The following ASMTL variants were observed in gnomAD, a reference collection of about 807,000 sequenced individuals.
ASMTL encodes the protein probable bifunctional dTTP/UTP pyrophosphatase/methyltransferase protein.
Under a neutral mutation model 60.3 loss-of-function variants are expected in ASMTL, and 57 were observed. The ratio of observed to expected loss-of-function variants is 0.95; its 90% CI spans 0.76 to 1.18. The LOEUF (loss-of-function observed/expected upper bound fraction) is 1.18. Ranked by LOEUF, ASMTL falls within the 50% of genes most tolerant of loss-of-function variation. The pLI, the probability that ASMTL is intolerant of heterozygous loss-of-function variation, is 0.00. For synonymous variants in ASMTL, 419 were observed against 373.0 expected (o/e 1.12, Z -1.42); for missense variants, 981 against 852.6 (o/e 1.15, Z -1.88).
At chrX:1,417,616 C>T (rs2090338995) in intron 11 of ASMTL, among the ~76,000 whole-genome samples, 2 of 151,444 alleles carry the variant, frequency 1.3e-5, no homozygotes, top group East Asian at 3.9e-4. Context: ...GATGCAGACA[C>T]ACACACACAG....
At chrX:1,412,600 T>A (rs1202657014) in intron 12 of ASMTL, 132 bp downstream of exon 12, 6 of 1,212,334 alleles carry the variant, frequency 4.9e-6, no homozygotes, top group African/African-American at 1.5e-5. Flanking sequence ...TGACCTCAGG[T>A]GATCCGCCCG....
chrX:1,453,171 G>A (rs1382650649), upstream of ASMTL, among the ~76,000 whole-genome samples: 5 of 145,602 alleles, frequency 3.4e-5, no homozygotes, highest in Non-Finnish European at 7.5e-5. Context: ...GTCAGGCCAC[G>A]CCCAGGCCAC....
Position 1,435,042 on chromosome X carries a change from A to G in ASMTL, c.380T>C (p.Ile127Thr). The change falls in exon 5 of 13, where the codon ATC becomes ACC. Residue 127 changes from isoleucine to threonine, a missense_variant. Physicochemically the swap from Ile to Thr is moderately conservative, Grantham distance 89. Coordinates refer to ENST00000381317, the MANE Select transcript of ASMTL (RefSeq NM_004192.4). ...REHSVFTGVA[I>T]VHCSSKDHQL... ...GTTACCTTTGCTGGAGCAGTGGACG[A>G]TCGCGACACCTGTGAACACGCTGTG... 6.2e-7 allele frequency: 1 copy of G among 1,613,918 alleles called. No individual in the cohort carries two copies. The highest frequency in any genetic ancestry group is 8.5e-7 in the Non-Finnish European group (1 of 1,179,862).
intron 7 of ASMTL, among the ~76,000 whole-genome samples, chrX:1,426,175 G>T (rs1361633227): frequency 6.6e-6 from 1 of 152,042 alleles, no homozygotes; most frequent in African/African-American, 2.4e-5. Flanking sequence ...TCCAAGCCCA[G>T]GAGAGAGGCC....
At chrX:1,442,070 C>T in intron 2 of ASMTL, 116 bp downstream of exon 2, 5 of 1,221,200 alleles carry the variant, frequency 4.1e-6, no homozygotes, top group Non-Finnish European at 5.8e-6. Context: ...CTAAGCTGTG[C>T]CACCAACTGC....
At chrX:1,407,458 GATAGATGA>G (rs1324008956) in intron 12 of ASMTL, among the ~76,000 whole-genome samples, 4 of 150,334 alleles carry the variant, frequency 2.7e-5, no homozygotes, top group Non-Finnish European at 5.9e-5. Context: ...ATGATAGGTA[GATAGATGA>G]ATAGATGGAT....
In ASMTL at chrX:1,403,431, G is replaced by A. The variant is rs199614418; in HGVS notation, c.1704C>T (p.Arg568=). The change falls in exon 13 of 13, where the codon CGC becomes CGT. Residue 568 remains arginine, a synonymous_variant. Coordinates refer to ENST00000381317, the MANE Select transcript of ASMTL (RefSeq NM_004192.4). The part of the protein sequence containing the change: ...LLDEEKRVAQ[R]ALMQSLNMLV... ...GCATGTTCAGTGACTGCATCAGGGC[G>A]CGCTGCGCCACCCTCTTCTCCTCAT... 2.0e-4 allele frequency: 328 copies of A among 1,613,248 alleles called. 1 individual carries two copies. The highest frequency in any genetic ancestry group is 2.4e-4 in the South Asian group (22 of 91,080).
intron 4 of ASMTL, 139 bp downstream of exon 4, chrX:1,435,555 G>C: frequency 2.5e-6 from 2 of 808,226 alleles, no homozygotes; most frequent in Non-Finnish European, 4.2e-6. Flanking sequence ...GCATAGCTCA[G>C]ACAGCACAGC....
chrX:1,405,847 GTAGATGGATGGATGGA>G (rs1305098998), intron 12 of ASMTL, among the ~76,000 whole-genome samples: 1 of 148,606 alleles, frequency 6.7e-6, no homozygotes, highest in Non-Finnish European at 1.5e-5. Context: ...GGGTACATAG[GTAGATGGATGGATGGA>G]TAGATGGATG....
chrX:1,412,898 A>G, intron 11 of ASMTL, 44 bp from the exon 12 acceptor site: 2 of 1,611,546 alleles, frequency 1.2e-6, no homozygotes, highest in Non-Finnish European at 1.7e-6. Context: ...GGTATGGAAG[A>G]AGCAGTCCTC....
intron 1 of ASMTL, among the ~76,000 whole-genome samples, chrX:1,451,082 A>G (rs149328100): frequency 0.061 from 2,330 of 38,508 alleles, 131 homozygotes; most frequent in African/African-American, 0.26. Flanking sequence ...GGGATTCCGG[A>G]TCACTCTCCC....
chrX:1,443,315 G>A (rs1462279714), intron 1 of ASMTL, among the ~76,000 whole-genome samples: 5 of 48,344 alleles, frequency 1.0e-4, no homozygotes, highest in African/African-American at 2.0e-4. Flanking sequence ...GACACACACC[G>A]CCATCTTGGA....
intron 1 of ASMTL, among the ~76,000 whole-genome samples, chrX:1,443,561 C>A (rs1229692505): frequency 6.6e-6 from 1 of 151,868 alleles, no homozygotes; most frequent in East Asian, 1.9e-4. Flanking sequence ...CCATCTTGGA[C>A]ACACACCGCC....
chrX:1,442,947 GCA>G, intron 1 of ASMTL, among the ~76,000 whole-genome samples: 2 of 152,270 alleles, frequency 1.3e-5, no homozygotes, highest in African/African-American at 4.8e-5. Flanking sequence ...AGGGAACTCC[GCA>G]TCTCCCCTCT....
At chrX:1,451,993 G>A (rs1303220302) in intron 1 of ASMTL, among the ~76,000 whole-genome samples, 1 of 144,602 alleles carries the variant, frequency 6.9e-6, no homozygotes, top group Non-Finnish European at 1.5e-5. Context: ...CCCATCGCTA[G>A]GGGGTCCCAG....
At chrX:1,440,253 A>C (rs765266924) in intron 2 of ASMTL, among the ~76,000 whole-genome samples, 50 of 151,978 alleles carry the variant, frequency 3.3e-4, no homozygotes, top group Non-Finnish European at 2.9e-5. Context: ...CGCCCAGCCA[A>C]TATTTTGTGT....
In ASMTL at chrX:1,419,134, T is replaced by C. The variant is rs749702001; in HGVS notation, c.1246-20A>G. 3 of 1,609,916 alleles carry C rather than the reference T, an allele frequency of 1.9e-6. No individual in the cohort carries two copies. Among genetic ancestry groups the C allele is most frequent in the South Asian group, 1.1e-5 (1 of 90,614 alleles). On this transcript the variant is annotated intron_variant, in intron 9 of 12. Coordinates refer to ENST00000381317, the MANE Select transcript of ASMTL (RefSeq NM_004192.4). The stretch of plus-strand genomic sequence containing the variant: ...CGCATCCTGGAACACAGCAGGTGCT[T>C]AGGGGCACCAGAGAACACGGGGCGA...
At chrX:1,431,462 G>C in intron 6 of ASMTL, among the ~76,000 whole-genome samples, 1 of 135,424 alleles carries the variant, frequency 7.4e-6, no homozygotes, top group East Asian at 2.1e-4. Context: ...TATTATAATA[G>C]ATGGTATATA....
chrX:1,427,108 G>A (rs1181277973), intron 7 of ASMTL, among the ~76,000 whole-genome samples: 3 of 152,202 alleles, frequency 2.0e-5, no homozygotes, highest in Non-Finnish European at 4.4e-5. Context: ...CCAATGACAG[G>A]TGTCCTTCTA....
Sources: gnomAD v4.1 joint callset for allele counts (sites outside exome capture counted in the v4.1 genomes callset) on GRCh38, gnomAD v4.1.1 for gene constraint, MANE v1.5 for transcripts, NCBI Gene and HGNC (gene_info 2026-07-23, HGNC 2026-07-21) for gene names.